The following H3-3B variants were observed in gnomAD, a reference collection of about 807,000 sequenced individuals.
H3-3B encodes the protein H3.3 histone B, also known as histone H3.3.
In H3-3B, 2 loss-of-function variants were observed where a neutral mutation model predicts 13.1. The observed-to-expected ratio is 0.15, with a 90% CI of 0.06 to 0.48. H3-3B has a LOEUF of 0.48. Ranked by LOEUF, H3-3B falls within the 20% of genes least tolerant of loss-of-function variation. The pLI, the probability that H3-3B is intolerant of heterozygous loss-of-function variation, is 0.97. For missense variants in H3-3B, 39 were observed against 186.0 expected, an observed-to-expected ratio of 0.21 and a Z score of 4.60; for synonymous variants, 133 against 75.8, an observed-to-expected ratio of 1.76 and a Z score of -3.92.
rs373849930 is a variant in H3-3B, at chr17:75,778,979, G to A, written c.129-16C>T. The A allele has an allele frequency of 8.2e-5, 133 of 1,613,914 alleles. No individual in the cohort carries two copies. Among genetic ancestry groups the A allele is most frequent in the Non-Finnish European group, 1.0e-4 (123 of 1,180,008 alleles). On this transcript the variant is annotated splice_polypyrimidine_tract_variant and intron_variant, in intron 2 of 3. Transcript: ENST00000254810. The stretch of plus-strand genomic sequence containing the variant: ...GGTCCCGGGCCTGCAGCGAGCAGGG[G>A]AGGAGTGAGCGGACGCTGCCGCACA...
At position 75,777,126 on chromosome 17, in the gene H3-3B, G is replaced by C. The variant is rs918118380; in HGVS notation, c.*1469C>G. On this transcript the variant is annotated 3_prime_UTR_variant, in exon 4 of 4. Transcript: ENST00000254810. ...GACATCCACGTACTATGCTTTAGTG[G>C]CCATCATCGCACAAGGAAACTGGTT... The C allele has an allele frequency of 1.3e-5, 2 of 152,178 alleles. No homozygotes were observed. The highest frequency in any genetic ancestry group is 1.3e-4 in the Admixed American group (2 of 15,262). The allele number at this position is 152,178 out of a possible 1,614,324, so 9.4% of individuals were successfully genotyped here.
Position 75,779,178 on chromosome 17 carries a change from C to A in H3-3B, c.-4G>T. The A allele has an allele frequency of 6.6e-7, 1 of 1,526,232 alleles. No homozygotes were observed. Among genetic ancestry groups the A allele is most frequent in the African/African-American group, 1.4e-5 (1 of 71,046 alleles). The allele number at this position is 1,526,232 out of a possible 1,614,324, so 94.5% of individuals were successfully genotyped here. A position where few individuals can be genotyped will look rare whatever the true frequency, so the allele number is the denominator to read the frequency against. ...CAGTCTGCTTGGTTCGGGCCATTTT[C>A]TTTCACCTAAGAAAGACGCCCCGAA... On this transcript the variant is annotated 5_prime_UTR_variant, in exon 2 of 4. Transcript: ENST00000254810.
rs766127594 is a variant in H3-3B, at chr17:75,777,712, C to G, written c.*883G>C. 1 of 152,418 alleles carries G rather than the reference C, an allele frequency of 6.6e-6. No homozygotes were observed. Among genetic ancestry groups the G allele is most frequent in the Non-Finnish European group, 1.5e-5 (1 of 68,038 alleles). The allele number at this position is 152,418 out of a possible 1,614,324, so 9.4% of individuals were successfully genotyped here. ...AAGAACTTCGGTACTGTTTCCTCAG[C>G]AGAGGAGAAAAACTCAACCTAGTTA... is the stretch of plus-strand genomic sequence containing the variant. On this transcript the variant is annotated 3_prime_UTR_variant, in exon 4 of 4. Coordinates refer to ENST00000254810, the MANE Select transcript of H3-3B (RefSeq NM_005324.5).
rs770167972 is a variant in H3-3B, at chr17:75,776,978, A to G, written c.*1617T>C. 6.6e-6 allele frequency: 1 copy of G among 152,204 alleles called. No individual in the cohort carries two copies. Among genetic ancestry groups the G allele is most frequent in the Non-Finnish European group, 1.5e-5 (1 of 68,030 alleles). The allele number at this position is 152,204 out of a possible 1,614,324, so 9.4% of individuals were successfully genotyped here. On this transcript the variant is annotated 3_prime_UTR_variant, in exon 4 of 4. Transcript: ENST00000254810. ...ATACCTACTTTACCTTCCCTCCAAA[A>G]TATCACATTTGAAACTAACCCAAAC...
rs2061643478 is a variant in H3-3B at position 75,777,374 on chromosome 17, T to G, written c.*1221A>C. 1 of 152,644 alleles carries G rather than the reference T, an allele frequency of 6.6e-6. No individual in the cohort carries two copies. Among genetic ancestry groups the G allele is most frequent in the South Asian group, 2.1e-4 (1 of 4,838 alleles). The allele number at this position is 152,644 out of a possible 1,614,324, so 9.5% of individuals were successfully genotyped here. A position where few individuals can be genotyped will look rare whatever the true frequency, so the allele number is the denominator to read the frequency against. ...CCACCAAACAACACCTGAAATGATC[T>G]AAGTTCAAAACATTAGTATACAAGG... On this transcript the variant is annotated 3_prime_UTR_variant, in exon 4 of 4. Coordinates refer to ENST00000254810, the MANE Select transcript of H3-3B (RefSeq NM_005324.5).
Position 75,778,583 on chromosome 17 carries a change from A to C in H3-3B, c.*12T>G. The C allele has an allele frequency of 1.2e-6, 2 of 1,604,126 alleles. No individual in the cohort carries two copies. Among genetic ancestry groups the C allele is most frequent in the Non-Finnish European group, 1.7e-6 (2 of 1,176,122 alleles). ...AGAATTTACTACAAAACGCCATAAA[A>C]ACTGCCTTCACTTAAGCTCTCTCTC... On this transcript the variant is annotated 3_prime_UTR_variant, in exon 4 of 4. Transcript: ENST00000254810.
Position 75,777,439 on chromosome 17 carries a change from T to A in H3-3B, c.*1156A>T, listed in dbSNP as rs1445853003. On this transcript the variant is annotated 3_prime_UTR_variant, in exon 4 of 4. Coordinates refer to ENST00000254810, the MANE Select transcript of H3-3B (RefSeq NM_005324.5). ...ACATGTGAAAACTTAGTACATTCAA[T>A]TTAGGTTTTGGACACTTAGTTGGAT... The A allele has an allele frequency of 6.5e-6, 1 of 152,684 alleles. No homozygotes were observed. Among genetic ancestry groups the A allele is most frequent in the African/African-American group, 2.4e-5 (1 of 41,458 alleles). The allele number at this position is 152,684 out of a possible 1,614,324, so 9.5% of individuals were successfully genotyped here.
rs2061644124 is a variant in H3-3B, at chr17:75,777,490, C to T, written c.*1105G>A. The T allele has an allele frequency of 6.6e-6, 1 of 152,594 alleles. No individual in the cohort carries two copies. Among genetic ancestry groups the T allele is most frequent in the Admixed American group, 6.5e-5 (1 of 15,278 alleles). The allele number at this position is 152,594 out of a possible 1,614,324, so 9.5% of individuals were successfully genotyped here. ...AAACAAGTTTATTTGTAAATTTAGT[C>T]AACATACATAATTGACCTAAAAACT... On this transcript the variant is annotated 3_prime_UTR_variant, in exon 4 of 4. Coordinates refer to ENST00000254810, the MANE Select transcript of H3-3B (RefSeq NM_005324.5).
At position 75,778,652 on chromosome 17, in the gene H3-3B, G is replaced by A. The variant is rs766432479; in HGVS notation, c.354C>T (p.Val118=). Reference sequence around the variant, plus strand: ...ACTGGATGTCTTTGGGCATGATGGTGACTCTCTTAGCGTGGATGGCACACA... The same window carrying A: ...ACTGGATGTCTTTGGGCATGATGGTAACTCTCTTAGCGTGGATGGCACACA... ...TNLCAIHAKR[V]TIMPKDIQLA... The change falls in exon 4 of 4, where the codon GTC becomes GTT. Residue 118 remains valine (V), a synonymous_variant. Transcript: ENST00000254810. 2.5e-6 allele frequency: 4 copies of A among 1,614,080 alleles called. No homozygotes were observed. The highest frequency in any genetic ancestry group is 1.7e-5 in the Admixed American group (1 of 60,010).
At position 75,778,971 on chromosome 17, in the gene H3-3B, G is replaced by A. The variant is rs770372843; in HGVS notation, c.129-8C>T. ...AGCGCCACGGTCCCGGGCCTGCAGCGAGCAGGGGAGGAGTGAGCGGACGCT... is the reference window on the plus strand; with the variant it reads ...AGCGCCACGGTCCCGGGCCTGCAGCAAGCAGGGGAGGAGTGAGCGGACGCT... On this transcript the variant is annotated splice_region_variant and splice_polypyrimidine_tract_variant and intron_variant, in intron 2 of 3. Transcript: ENST00000254810. 1.9e-6 allele frequency: 3 copies of A among 1,613,926 alleles called. No homozygotes were observed. Among genetic ancestry groups the A allele is most frequent in the East Asian group, 4.5e-5 (2 of 44,896 alleles).
rs780367196 is a variant in H3-3B, at chr17:75,778,918, C to A, written c.174G>T (p.Ser58=). 3 of 1,614,030 alleles carry A rather than the reference C, an allele frequency of 1.9e-6. No individual in the cohort carries two copies. The African/African-American group carries it at 4.0e-5, about 22-fold the overall frequency. ...ALREIRRYQK[S]TELLIRKLPF... ...GCAGCTTCCGGATGAGCAGCTCGGT[C>A]GACTTCTGATAACGACGAATCTCTC... Residue 58 remains serine, a synonymous_variant, in exon 3 of 4, where the codon TCG becomes TCT. Transcript: ENST00000254810.
In H3-3B at chr17:75,776,760, A is replaced by G. The variant is rs2061639329; in HGVS notation, c.*1835T>C. On this transcript the variant is annotated 3_prime_UTR_variant, in exon 4 of 4. Coordinates refer to ENST00000254810, the MANE Select transcript of H3-3B (RefSeq NM_005324.5). ...GGTAGTAAGCAGAAGCTAACTCATC[A>G]CCGTAGCCAGGTTTGTGTACTTTGT... 6.6e-6 allele frequency: 1 copy of G among 152,190 alleles called. No homozygotes were observed. Among genetic ancestry groups the G allele is most frequent in the African/African-American group, 2.4e-5 (1 of 41,450 alleles). The allele number at this position is 152,190 out of a possible 1,614,324, so 9.4% of individuals were successfully genotyped here.
rs745495299 is a variant in H3-3B, at chr17:75,778,799, C to CTT, written c.282+9_282+10dup. On this transcript the variant is annotated intron_variant, in intron 3 of 3. Coordinates refer to ENST00000254810, the MANE Select transcript of H3-3B (RefSeq NM_005324.5). ...GCCCAGCCCTCCCCCGGCTCCAGGC[C>CTT]TTTGTCTTACCTGCAGCGCACCGAT... 2.8e-5 allele frequency: 46 copies of CTT among 1,614,054 alleles called. No homozygotes were observed. The highest frequency in any genetic ancestry group is 3.6e-5 in the Non-Finnish European group (43 of 1,180,018).
In H3-3B at chr17:75,778,649, G is replaced by A. The variant is rs376197989; in HGVS notation, c.357C>T (p.Thr119=). 8.1e-6 allele frequency: 13 copies of A among 1,614,024 alleles called. No homozygotes were observed. In the Admixed American group the frequency reaches 1.0e-4, roughly 12 times the overall value. ...CCAACTGGATGTCTTTGGGCATGAT[G>A]GTGACTCTCTTAGCGTGGATGGCAC... ...NLCAIHAKRV[T]IMPKDIQLAR... The change falls in exon 4 of 4, where the codon ACC becomes ACT. Residue 119 remains threonine (T), a synonymous_variant. Transcript: ENST00000254810.
At position 75,779,180 on chromosome 17, in the gene H3-3B, T is replaced by A. The variant is rs768462270; in HGVS notation, c.-6A>T. The A allele has an allele frequency of 6.6e-7, 1 of 1,522,176 alleles. No individual in the cohort carries two copies. Among genetic ancestry groups the A allele is most frequent in the Non-Finnish European group, 8.8e-7 (1 of 1,138,738 alleles). 94.3% of individuals were successfully genotyped at this position (1,522,176 alleles called of 1,614,324 possible). On this transcript the variant is annotated 5_prime_UTR_variant, in exon 2 of 4. Transcript: ENST00000254810. The stretch of plus-strand genomic sequence containing the variant: ...GTCTGCTTGGTTCGGGCCATTTTCT[T>A]TCACCTAAGAAAGACGCCCCGAAGA...
Position 75,777,343 on chromosome 17 carries a change from C to CT in H3-3B, c.*1251dup, listed in dbSNP as rs2061643334. 1 of 152,504 alleles carries CT rather than the reference C, an allele frequency of 6.6e-6. No individual in the cohort carries two copies. Among genetic ancestry groups the CT allele is most frequent in the Admixed American group, 6.6e-5 (1 of 15,260 alleles). 9.4% of individuals were successfully genotyped at this position (152,504 alleles called of 1,614,324 possible). A position where few individuals can be genotyped will look rare whatever the true frequency, so the allele number is the denominator to read the frequency against. On this transcript the variant is annotated 3_prime_UTR_variant, in exon 4 of 4. Transcript: ENST00000254810. ...CAGTATCTTTATAAATAAAAGGTTC[C>CT]TTTATCCACCAAACAACACCTGAAA...
At position 75,778,843 on chromosome 17, in the gene H3-3B, C is replaced by A. The variant is rs776937727; in HGVS notation, c.249G>T (p.Leu83=). 1.2e-6 allele frequency: 2 copies of A among 1,614,206 alleles called. No homozygotes were observed. Among genetic ancestry groups the A allele is most frequent in the South Asian group, 2.2e-5 (2 of 91,084 alleles). ...CACCGATGGCTGCGCTCTGAAACCT[C>A]AGGTCGGTTTTGAAATCCTGCGCGA... ...REIAQDFKTD[L]RFQSAAIGAL... Residue 83 remains leucine, a synonymous_variant, in exon 3 of 4, where the codon CTG becomes CTT. Coordinates refer to ENST00000254810, the MANE Select transcript of H3-3B (RefSeq NM_005324.5).
In H3-3B at chr17:75,778,437, CTG is replaced by C; in HGVS notation, c.*156_*157del. On this transcript the variant is annotated 3_prime_UTR_variant, in exon 4 of 4. Coordinates refer to ENST00000254810, the MANE Select transcript of H3-3B (RefSeq NM_005324.5). ...GCAACAGTGCTCACATCACTGAGGT[CTG>C]TGAACAGTCACTTTTCGCATTCATC... The C allele has an allele frequency of 9.9e-7, 1 of 1,006,176 alleles. No individual in the cohort carries two copies. 62.3% of individuals were successfully genotyped at this position (1,006,176 alleles called of 1,614,324 possible). A position where few individuals can be genotyped will look rare whatever the true frequency, so the allele number is the denominator to read the frequency against.
rs1567784710 is a variant in H3-3B at position 75,777,686 on chromosome 17, A to AT, written c.*908_*909insA. 6.6e-6 allele frequency: 1 copy of AT among 152,458 alleles called. No homozygotes were observed. Among genetic ancestry groups the AT allele is most frequent in the African/African-American group, 2.4e-5 (1 of 41,454 alleles). 9.4% of individuals were successfully genotyped at this position (152,458 alleles called of 1,614,324 possible). ...TTTTATAATACAAATGCCACAAGAA[A>AT]AAGAACTTCGGTACTGTTTCCTCAG... On this transcript the variant is annotated 3_prime_UTR_variant, in exon 4 of 4. Coordinates refer to ENST00000254810, the MANE Select transcript of H3-3B (RefSeq NM_005324.5).
Sources: allele counts gnomAD v4.1 joint callset, GRCh38; gene constraint gnomAD v4.1.1; transcripts MANE v1.5; gene names NCBI Gene and HGNC (gene_info 2026-07-23, HGNC 2026-07-21).